Variants in SPOCK3 observed in about 807,000 individuals in gnomAD.
SPOCK3 encodes the protein SPARC (osteonectin), cwcv and kazal like domains proteoglycan 3.
In SPOCK3, 30 loss-of-function variants were observed where a neutral mutation model predicts 56.6. The observed-to-expected ratio is 0.53, with a 90% CI of 0.40 to 0.72. The LOEUF (loss-of-function observed/expected upper bound fraction) is 0.72, where lower values mean the gene tolerates loss of function less well. SPOCK3 is among the 30% of genes least tolerant of loss of function. SPOCK3 has a pLI of 0.00. For missense variants in SPOCK3, 527 were observed against 530.0 expected (o/e 0.99, Z 0.06); for synonymous variants, 196 against 183.3 (o/e 1.07, Z -0.56).
chr4:166,937,875 T>G (rs774486278), intron 4 of SPOCK3, among the ~76,000 whole-genome samples: 70 of 150,122 alleles, frequency 4.7e-4, no homozygotes, highest in Non-Finnish European at 8.4e-4. Flanking sequence ...GCCATTCTCC[T>G]GCCTCAGCCT....
intron 7 of SPOCK3, 94 bp downstream of exon 7, chr4:166,792,076 T>C: frequency 7.0e-6 from 10 of 1,426,970 alleles, no homozygotes; most frequent in Non-Finnish European, 6.8e-6. Context: ...ATGCAGTGAA[T>C]AAATACTGAA....
In SPOCK3 at chr4:167,188,362, A is replaced by G. The variant is rs1282208614; in HGVS notation, c.189+45623T>C. 5.5e-5 allele frequency among the ~76,000 whole-genome samples: 8 copies of G among 146,200 alleles called. 1 individual carries two copies. The highest frequency in any genetic ancestry group is 1.0e-4 in the Non-Finnish European group (7 of 67,160). ...AATTACAGAGCATACAAAAGAGGAA[A>G]AGAGGTCACTACTGATAAATGAAAT... On this transcript the variant is annotated intron_variant, in intron 2 of 10. Transcript: ENST00000357545.
At chr4:166,920,060 T>C (rs763557643) in intron 4 of SPOCK3, among the ~76,000 whole-genome samples, 11 of 152,162 alleles carry the variant, frequency 7.2e-5, no homozygotes, top group South Asian at 2.1e-4. Context: ...AAGAAGTAAA[T>C]TGACGGAGCT....
chr4:166,770,021 G>A (rs11131775), intron 7 of SPOCK3, among the ~76,000 whole-genome samples: 69,683 of 151,996 alleles, frequency 0.46, 16,489 homozygotes, highest in African/African-American at 0.51. Context: ...TGTGCCGTTC[G>A]CTAAGACCGT....
At chr4:166,789,285 C>T (rs996170580) in intron 7 of SPOCK3, among the ~76,000 whole-genome samples, 5 of 151,762 alleles carry the variant, frequency 3.3e-5, no homozygotes, top group Non-Finnish European at 5.9e-5. Context: ...CAAAATAACC[C>T]GGGCGTGGTG....
At chr4:166,831,857 C>T (rs1234104111) in intron 6 of SPOCK3, among the ~76,000 whole-genome samples, 2 of 149,126 alleles carry the variant, frequency 1.3e-5, no homozygotes, top group African/African-American at 4.9e-5. Context: ...TCTCTCAGTT[C>T]TTAAGGGAAA....
chr4:166,842,264 C>T (rs1747508787), intron 6 of SPOCK3, among the ~76,000 whole-genome samples: 1 of 152,206 alleles, frequency 6.6e-6, no homozygotes. Flanking sequence ...GCTCTGGCAG[C>T]CTGCTTTTAT....
intron 4 of SPOCK3, among the ~76,000 whole-genome samples, chr4:166,973,137 A>C (rs976453344): frequency 3.3e-5 from 5 of 152,070 alleles, no homozygotes; most frequent in Non-Finnish European, 5.9e-5. Context: ...GTGAGTTCTC[A>C]TGAAATCTGT....
chr4:166,799,804 A>T (rs2126682169), intron 6 of SPOCK3, among the ~76,000 whole-genome samples: 1 of 152,250 alleles, frequency 6.6e-6, no homozygotes, highest in South Asian at 2.1e-4. Flanking sequence ...ACTGAGAAGA[A>T]AAAAGAAGAG....
At chr4:167,217,424 A>G (rs1236349470) in intron 2 of SPOCK3, among the ~76,000 whole-genome samples, 1 of 151,922 alleles carries the variant, frequency 6.6e-6, no homozygotes. Flanking sequence ...CATAGCATTT[A>G]TATTGTATAA....
intron 3 of SPOCK3, among the ~76,000 whole-genome samples, chr4:167,017,126 C>T (rs185424476): frequency 2.0e-5 from 3 of 152,192 alleles, no homozygotes; most frequent in Admixed American, 2.0e-4. Flanking sequence ...AACCTGGGTT[C>T]CCATTTCCCT....
intron 7 of SPOCK3, among the ~76,000 whole-genome samples, chr4:166,766,862 C>T (rs935883800): frequency 2.6e-4 from 40 of 152,078 alleles, no homozygotes; most frequent in Admixed American, 5.9e-4. Flanking sequence ...GCCTCAATTT[C>T]GGAACCTGTT....
chr4:166,895,341 T>G (rs1218296457), intron 5 of SPOCK3, among the ~76,000 whole-genome samples: 1 of 151,940 alleles, frequency 6.6e-6, no homozygotes, highest in Non-Finnish European at 1.5e-5. Context: ...AAGATGAGAA[T>G]AGAAGGTCAT....
At chr4:166,805,687 C>T (rs747572585) in intron 6 of SPOCK3, among the ~76,000 whole-genome samples, 53 of 152,014 alleles carry the variant, frequency 3.5e-4, no homozygotes, top group Non-Finnish European at 7.2e-4. Context: ...ACAATCAATT[C>T]TAGTAGCCAT....
intron 6 of SPOCK3, among the ~76,000 whole-genome samples, chr4:166,795,328 T>C (rs948891469): frequency 2.0e-5 from 3 of 152,282 alleles, no homozygotes; most frequent in African/African-American, 7.2e-5. Context: ...TATAGTCGCA[T>C]CCCAGATTCT....
At chr4:166,885,508 A>T (rs1734097143) in intron 6 of SPOCK3, among the ~76,000 whole-genome samples, 1 of 152,072 alleles carries the variant, frequency 6.6e-6, no homozygotes, top group African/African-American at 2.4e-5. Context: ...ATCCTCCTTG[A>T]AAGTACTCTG....
intron 2 of SPOCK3, among the ~76,000 whole-genome samples, chr4:167,197,377 C>T (rs1733055336): frequency 6.6e-6 from 1 of 151,966 alleles, no homozygotes. Context: ...AGTTAAACAT[C>T]TATAAAAGTA....
intron 8 of SPOCK3, 57 bp downstream of exon 8, chr4:166,754,451 A>T: frequency 6.4e-7 from 1 of 1,561,060 alleles, no homozygotes; most frequent in African/African-American, 1.4e-5. Context: ...CTTAAAAAAT[A>T]AGTAAAATTT....
chr4:167,032,690 T>C (rs1752388726), intron 3 of SPOCK3, among the ~76,000 whole-genome samples: 2 of 151,848 alleles, frequency 1.3e-5, no homozygotes. Flanking sequence ...TGCATTCTAC[T>C]AAGATATAAT....
Sources: gnomAD v4.1 joint callset for allele counts (sites outside exome capture counted in the v4.1 genomes callset) on GRCh38, gnomAD v4.1.1 for gene constraint, MANE v1.5 for transcripts, NCBI Gene and HGNC (gene_info 2026-07-23, HGNC 2026-07-21) for gene names.